The following TRAPPC12 variants were observed in gnomAD, a reference collection of about 807,000 sequenced individuals.
The protein encoded by TRAPPC12 is trafficking protein particle complex subunit 12, also known as TPR repeat protein 15.
TRAPPC12 carries 61 observed loss-of-function variants against 69.2 expected under a neutral mutation model. The observed-to-expected ratio is 0.88, with a 90% CI of 0.72 to 1.09. TRAPPC12 has a LOEUF of 1.09. Ranked by LOEUF, TRAPPC12 falls within the 50% of genes least tolerant of loss-of-function variation. The pLI is 0.00. For missense variants in TRAPPC12, 1,101 were observed against 1,016.4 expected (o/e 1.08, Z -1.13); for synonymous variants, 469 against 438.9 (o/e 1.07, Z -0.86).
At chr2:3,421,793 A>G (rs975101695) in intron 3 of TRAPPC12, 88 bp from the exon 4 acceptor site, 1 of 1,188,080 alleles carries the variant, frequency 8.4e-7, no homozygotes, top group Non-Finnish European at 1.2e-6. Flanking sequence ...CAAGGTGAGC[A>G]GCTGTGGCCA....
chr2:3,454,222 G>T (rs1379823364), intron 6 of TRAPPC12, among the ~76,000 whole-genome samples: 1 of 152,204 alleles, frequency 6.6e-6, no homozygotes, highest in Non-Finnish European at 1.5e-5. Flanking sequence ...GGTGTAGCCT[G>T]CCTGGTGTCT....
At chr2:3,452,410 ACT>A (rs1664897748) in intron 6 of TRAPPC12, among the ~76,000 whole-genome samples, 1 of 151,840 alleles carries the variant, frequency 6.6e-6, no homozygotes, top group African/African-American at 2.4e-5. Flanking sequence ...TGGGAATGAG[ACT>A]CTGCCTTTTG....
In TRAPPC12 at chr2:3,387,827, G is replaced by C. The variant is rs753558698; in HGVS notation, c.204G>C (p.Glu68Asp). 25 of 1,611,650 alleles carry C rather than the reference G, an allele frequency of 1.6e-5. No individual in the cohort carries two copies. The Admixed American group carries it at 4.2e-4, about 27-fold the overall frequency. The change falls in exon 2 of 12, where the codon GAG (glutamate) becomes GAC (aspartate). Residue 68 changes from glutamate to aspartate, a missense_variant. Glu to Asp is a conservative substitution (Grantham distance 45, BLOSUM62 2). Transcript: ENST00000324266. ...ACAAGCTGAACGAACACATGATGGA[G>C]AGCGTCCTCATCTCTGACTCCCCCA... ...LADKLNEHMM[E>D]SVLISDSPNS... is the part of the protein sequence containing the mutation.
intron 6 of TRAPPC12, 37 bp downstream of exon 6, chr2:3,443,928 A>G (rs1306297932): frequency 6.6e-7 from 1 of 1,517,838 alleles, no homozygotes; most frequent in Non-Finnish European, 9.1e-7. Flanking sequence ...CCACGGGGAG[A>G]ACATGCCCTC....
At chr2:3,380,039 G>A (rs1419056372) in intron 1 of TRAPPC12, among the ~76,000 whole-genome samples, 163 bp downstream of exon 1, 1 of 152,060 alleles carries the variant, frequency 6.6e-6, no homozygotes, top group African/African-American at 2.4e-5. Flanking sequence ...ACCCAAGGGC[G>A]TGTGTGCTCC....
rs769311775 is a variant in TRAPPC12 at position 3,443,907 on chromosome 2, A to G, written c.1530+16A>G. 2.5e-6 allele frequency: 4 copies of G among 1,595,160 alleles called. No individual in the cohort carries two copies. In the Admixed American group the frequency reaches 5.0e-5, roughly 20 times the overall value. ...CTGCAGCAAGGTAGGTGGCGCTGTC[A>G]TTCTTCCCTGCCACGGGGAGAACAT... On this transcript the variant is annotated intron_variant, in intron 6 of 11. Coordinates refer to ENST00000324266, the MANE Select transcript of TRAPPC12 (RefSeq NM_016030.6).
At chr2:3,473,481 T>C (rs1666155310) in intron 9 of TRAPPC12, among the ~76,000 whole-genome samples, 1 of 151,528 alleles carries the variant, frequency 6.6e-6, no homozygotes, top group Non-Finnish European at 1.5e-5. Context: ...TTCTGGTGGG[T>C]TTTTTTGTCT....
intron 9 of TRAPPC12, among the ~76,000 whole-genome samples, chr2:3,470,915 G>A (rs1399737582): frequency 1.3e-5 from 2 of 152,146 alleles, no homozygotes; most frequent in African/African-American, 2.4e-5. Flanking sequence ...AGGGGTGGAC[G>A]GACAGCAAGG....
At chr2:3,416,017 A>G (rs73129468) in intron 3 of TRAPPC12, among the ~76,000 whole-genome samples, 3,961 of 152,172 alleles carry the variant, frequency 0.026, 161 homozygotes, top group African/African-American at 0.09. Context: ...CGCCTGGCCC[A>G]CTTACTTTCA....
At chr2:3,402,002 C>G in intron 3 of TRAPPC12, 109 bp downstream of exon 3, 1 of 768,946 alleles carries the variant, frequency 1.3e-6, no homozygotes, top group Non-Finnish European at 2.0e-6. Flanking sequence ...AAAGCTCTTG[C>G]ACATAAGTAG....
rs769646054 is a variant in TRAPPC12 at position 3,388,353 on chromosome 2, G to GC, written c.735dup (p.Ala246ArgfsTer46). 3 of 1,566,488 alleles carry GC rather than the reference G, an allele frequency of 1.9e-6. No individual in the cohort carries two copies. The highest frequency in any genetic ancestry group is 2.4e-5 in the East Asian group (1 of 41,794). On this transcript the variant is annotated frameshift_variant, in exon 2 of 12. Transcript: ENST00000324266. LOFTEE classifies it high-confidence loss of function. ...CAGCAATCCCGGCGCGGGCTCCCCG[G>GC]CCCCCGCCAGCCCGCCTCCCCTCGC...
chr2:3,449,435 A>T (rs1369390447), intron 6 of TRAPPC12: 1 of 152,402 alleles, frequency 6.6e-6, no homozygotes, highest in Non-Finnish European at 1.5e-5. Context: ...CGTTCATCCA[A>T]GTGCTTCTTT....
At chr2:3,454,318 C>G (rs919293113) in intron 6 of TRAPPC12, among the ~76,000 whole-genome samples, 9 of 149,242 alleles carry the variant, frequency 6.0e-5, no homozygotes, top group African/African-American at 2.2e-4. Context: ...CCTACCCCTG[C>G]GCCTTCCCAG....
intron 7 of TRAPPC12, among the ~76,000 whole-genome samples, chr2:3,459,723 A>C (rs1345958449): frequency 3.3e-5 from 5 of 152,236 alleles, no homozygotes; most frequent in South Asian, 4.1e-4. Flanking sequence ...TGTGCCAGCC[A>C]CTTGAGTTCT....
intron 3 of TRAPPC12, among the ~76,000 whole-genome samples, chr2:3,407,084 T>A (rs1661772319): frequency 6.6e-6 from 1 of 152,252 alleles, no homozygotes; most frequent in South Asian, 2.1e-4. Flanking sequence ...TTTTGAATTA[T>A]TTCCCTAAGT....
intron 3 of TRAPPC12, among the ~76,000 whole-genome samples, chr2:3,420,143 G>A (rs1292736955): frequency 2.6e-5 from 4 of 152,136 alleles, no homozygotes; most frequent in African/African-American, 9.7e-5. Flanking sequence ...ATAGGTCAGT[G>A]GGTAAACACA....
intron 6 of TRAPPC12, among the ~76,000 whole-genome samples, chr2:3,452,928 A>G (rs1396570353): frequency 6.6e-6 from 1 of 152,234 alleles, no homozygotes; most frequent in Non-Finnish European, 1.5e-5. Context: ...CTTCAAGTAC[A>G]TTCTCATTGG....
At chr2:3,410,503 A>G (rs1661998259) in intron 3 of TRAPPC12, among the ~76,000 whole-genome samples, 2 of 152,210 alleles carry the variant, frequency 1.3e-5, no homozygotes, top group South Asian at 4.1e-4. Flanking sequence ...ATTTTTAATC[A>G]TTTATGGAGT....
chr2:3,455,739 T>C (rs1023915294), intron 6 of TRAPPC12: 8 of 152,270 alleles, frequency 5.3e-5, no homozygotes, highest in African/African-American at 1.9e-4. Context: ...AATTCCTTTA[T>C]CCCCTTGTCT....
Sources: gnomAD v4.1 joint callset for allele counts (sites outside exome capture counted in the v4.1 genomes callset) on GRCh38, gnomAD v4.1.1 for gene constraint, MANE v1.5 for transcripts, NCBI Gene and HGNC (gene_info 2026-07-23, HGNC 2026-07-21) for gene names.